CPS1: variants seen among roughly 807,000 people sequenced by gnomAD.
The protein encoded by CPS1 is carbamoyl-phosphate synthase 1, also known as carbamoyl-phosphate synthase [ammonia], mitochondrial.
Under a neutral mutation model 174.6 loss-of-function variants are expected in CPS1, and 109 were observed. The ratio of observed to expected loss-of-function variants is 0.62; its 90% CI spans 0.53 to 0.73. CPS1 has a LOEUF of 0.73. CPS1 is among the 30% of genes least tolerant of loss of function. The pLI is 0.00. For synonymous variants in CPS1, 637 were observed against 632.0 expected, an observed-to-expected ratio of 1.01 and a Z score of -0.12; for missense variants, 1,689 against 1,821.9, an observed-to-expected ratio of 0.93 and a Z score of 1.33.
intron 1 of CPS1, among the ~76,000 whole-genome samples, chr2:210,540,243 T>G (rs112244504): frequency 0.016 from 2,434 of 152,310 alleles, 51 homozygotes; most frequent in African/African-American, 0.051. Context: ...AACTTTTTCT[T>G]TCTCTTTGCC....
intron 1 of CPS1, among the ~76,000 whole-genome samples, chr2:210,491,648 TG>T (rs1694880865): frequency 6.6e-6 from 1 of 152,086 alleles, no homozygotes; most frequent in South Asian, 2.1e-4. Context: ...GAGTGTCCTG[TG>T]GCAATGGGAA....
intron 2 of CPS1, among the ~76,000 whole-genome samples, chr2:210,575,616 C>A (rs533199887): frequency 4.7e-4 from 71 of 151,932 alleles, no homozygotes; most frequent in African/African-American, 1.7e-3. Context: ...AATTCCATAT[C>A]AGTACTTTAA....
chr2:210,520,088 T>C (rs1466890399), intron 1 of CPS1, among the ~76,000 whole-genome samples: 3 of 152,074 alleles, frequency 2.0e-5, no homozygotes. Context: ...CATCCTAAGA[T>C]GGTGATGTAT....
At position 210,556,607 on chromosome 2, in the gene CPS1, C is replaced by T; in HGVS notation, c.-127C>T. On this transcript the variant is annotated 5_prime_UTR_variant, in exon 1 of 38. Transcript: ENST00000233072. ...AGAATGAATGGAAATTCAAAGATCG[C>T]TGTGCAGTCAGCCTTAAACACTGAC... The T allele has an allele frequency of 6.6e-7, 1 of 1,511,460 alleles. No individual in the cohort carries two copies. The highest frequency in any genetic ancestry group is 1.4e-5 in the African/African-American group (1 of 71,298). 93.6% of individuals were successfully genotyped at this position (1,511,460 alleles called of 1,614,324 possible).
chr2:210,478,913 TC>T (rs1333615267), intron 1 of CPS1, among the ~76,000 whole-genome samples: 1 of 14,306 alleles, frequency 7.0e-5, no homozygotes, highest in Non-Finnish European at 1.7e-4. Context: ...CCCTCCCTCC[TC>T]CCCCCTCCCC....
Position 210,640,072 on chromosome 2 carries a change from AT to A in CPS1, c.2959+15del. On this transcript the variant is annotated intron_variant, in intron 24 of 37. Coordinates refer to ENST00000233072, the MANE Select transcript of CPS1 (RefSeq NM_001875.5). ...CCATATCACATTGGTAAAATAATAA[AT>A]TATGTGTATATAGGACTTTACACAA... 1 of 1,518,622 alleles carries A rather than the reference AT, an allele frequency of 6.6e-7. No individual in the cohort carries two copies. The highest frequency in any genetic ancestry group is 9.1e-7 in the Non-Finnish European group (1 of 1,094,186). The allele number at this position is 1,518,622 out of a possible 1,614,324, so 94.1% of individuals were successfully genotyped here. A position where few individuals can be genotyped will look rare whatever the true frequency, so the allele number is the denominator to read the frequency against.
chr2:210,662,354 T>C (rs1700952077), intron 32 of CPS1, among the ~76,000 whole-genome samples: 1 of 152,176 alleles, frequency 6.6e-6, no homozygotes, highest in Admixed American at 6.5e-5. Flanking sequence ...ATAGGGAAGC[T>C]GAAATGCAGA....
At chr2:210,577,830 C>T (rs1697765698) in intron 4 of CPS1, among the ~76,000 whole-genome samples, 2 of 152,062 alleles carry the variant, frequency 1.3e-5, no homozygotes, top group Admixed American at 6.6e-5. Flanking sequence ...TCTCCTTCAC[C>T]GTTTTATCTA....
chr2:210,623,655 A>G (rs1699609368), intron 21 of CPS1, among the ~76,000 whole-genome samples: 1 of 152,160 alleles, frequency 6.6e-6, no homozygotes, highest in Admixed American at 6.6e-5. Context: ...GGTGAGTTCC[A>G]CTTGGGCATT....
chr2:210,646,455 C>A (rs557172617), intron 25 of CPS1, among the ~76,000 whole-genome samples: 1 of 152,030 alleles, frequency 6.6e-6, no homozygotes, highest in African/African-American at 2.4e-5. Context: ...TACACAGTAC[C>A]GTAATTGCTC....
intron 31 of CPS1, among the ~76,000 whole-genome samples, chr2:210,659,744 T>C (rs188375613): frequency 5.9e-5 from 9 of 152,262 alleles, no homozygotes; most frequent in African/African-American, 1.9e-4. Context: ...AACTATAAAG[T>C]AGAGTATCAC....
At chr2:210,524,064 C>A (rs138246038) in intron 1 of CPS1, among the ~76,000 whole-genome samples, 1 of 151,992 alleles carries the variant, frequency 6.6e-6, no homozygotes, top group Non-Finnish European at 1.5e-5. Flanking sequence ...CCTACCAGAA[C>A]AGCTGTCAGA....
Position 210,606,832 on chromosome 2 carries a change from G to A in CPS1, c.2083G>A (p.Gly695Ser), listed in dbSNP as rs1198244963. The part of the protein sequence containing the change: ...INVVRHLGIV[G>S]ECNIQFALHP... The stretch of plus-strand genomic sequence containing the variant: ...TGTTGTTCGCCACTTGGGCATTGTG[G>A]GTGAATGCAACATTCAGTTTGCCCT... The change falls in exon 18 of 38, where the codon GGT becomes AGT. Residue 695 changes from glycine to serine, a missense_variant. Physicochemically the swap from Gly to Ser is moderately conservative, Grantham distance 56. Transcript: ENST00000233072. The A allele has an allele frequency of 3.7e-6, 6 of 1,612,570 alleles. No individual in the cohort carries two copies. The highest frequency in any genetic ancestry group is 5.1e-6 in the Non-Finnish European group (6 of 1,179,100).
intron 19 of CPS1, 110 bp downstream of exon 19, chr2:210,608,669 T>A (rs1280498054): frequency 1.0e-6 from 1 of 999,860 alleles, no homozygotes; most frequent in East Asian, 2.4e-5. Context: ...ACATGGACAG[T>A]GTTAAAGGTG....
rs1057522548 is a variant in CPS1, at chr2:210,605,143, G to T, written c.1878G>T (p.Val626=). The T allele has an allele frequency of 5.0e-6, 8 of 1,612,116 alleles. No individual in the cohort carries two copies. Among genetic ancestry groups the T allele is most frequent in the Non-Finnish European group, 6.8e-6 (8 of 1,178,782 alleles). The stretch of plus-strand genomic sequence containing the variant: ...ACCAAATTCTGGTGGAGAAGTCAGT[G>T]ACAGGTTGGAAAGAAATAGAATATG... The part of the protein sequence containing the change: ...MTNQILVEKS[V]TGWKEIEYEV... The change falls in exon 17 of 38, where the codon GTG becomes GTT. Residue 626 remains valine (V), a synonymous_variant. Coordinates refer to ENST00000233072, the MANE Select transcript of CPS1 (RefSeq NM_001875.5).
chr2:210,644,403 C>G (rs959157155), intron 25 of CPS1, among the ~76,000 whole-genome samples: 1 of 151,900 alleles, frequency 6.6e-6, no homozygotes, highest in East Asian at 1.9e-4. Flanking sequence ...ATGCATGACT[C>G]GAGACAGAAT....
intron 30 of CPS1, chr2:210,658,234 T>G (rs1700786542): frequency 3.3e-6 from 1 of 304,404 alleles, no homozygotes; most frequent in Admixed American, 4.6e-5. Context: ...AGCAGGTAGG[T>G]CATTACATTG....
At position 210,557,629 on chromosome 2, in the gene CPS1, T is replaced by C. The variant is rs567777927; in HGVS notation, c.126+770T>C. ...CGTTCATTATCAGAGAAGCCTGAAG[T>C]TACTCCATAGGAACTTTGCCAATGA... On this transcript the variant is annotated intron_variant, in intron 1 of 37. Transcript: ENST00000233072. Among the ~76,000 whole-genome samples the C allele has an allele frequency of 2.6e-5, 4 of 152,196 alleles. No individual in the cohort carries two copies. The South Asian group carries it at 8.3e-4, about 32-fold the overall frequency.
intron 1 of CPS1, among the ~76,000 whole-genome samples, chr2:210,482,306 C>CTT (rs767115699): frequency 5.5e-5 from 8 of 144,554 alleles, no homozygotes; most frequent in African/African-American, 1.3e-4. Context: ...CGTTGAATCC[C>CTT]TTTTTTTTTT....
Sources: gnomAD v4.1 joint callset for allele counts (sites outside exome capture counted in the v4.1 genomes callset) on GRCh38, gnomAD v4.1.1 for gene constraint, MANE v1.5 for transcripts, NCBI Gene and HGNC (gene_info 2026-07-23, HGNC 2026-07-21) for gene names.